TMEM38A: variants seen among roughly 807,000 people sequenced by gnomAD.
TMEM38A encodes trimeric intracellular cation channel type A.
A neutral mutation model predicts 28.6 loss-of-function variants in TMEM38A; 17 were observed. The ratio of observed to expected loss-of-function variants is 0.60; its 90% confidence interval spans 0.41 to 0.89. The LOEUF (loss-of-function observed/expected upper bound fraction) is 0.89, where lower values mean the gene tolerates loss of function less well. TMEM38A is among the 40% of genes least tolerant of loss of function. TMEM38A has a pLI of 0.00. For missense variants in TMEM38A, 328 were observed against 393.1 expected (o/e 0.83, Z 1.40); for synonymous variants, 169 against 166.1 (o/e 1.02, Z -0.14).
chr19:16,671,310 A>G lies in TMEM38A; in HGVS notation c.125-8674A>G, dbSNP rs1362481390. Among the ~76,000 whole-genome samples, 5 of 148,988 alleles carry G rather than the reference A, an allele frequency of 3.4e-5. No individual in the cohort carries two copies. In the East Asian group the frequency reaches 1.0e-3, roughly 30 times the overall value. On this transcript the variant is annotated intron_variant, in intron 1 of 5. Coordinates refer to ENST00000187762, the MANE Select transcript of TMEM38A (RefSeq NM_024074.4). ...AATTTCCGCCTCCTGGGTTCAAGCA[A>G]TTCTGCCTCAGCCTCCTGAGTAGCT... is the stretch of plus-strand genomic sequence containing the variant.
At chr19:16,662,360 A>G (rs578042350) in intron 1 of TMEM38A, among the ~76,000 whole-genome samples, 1 of 150,914 alleles carries the variant, frequency 6.6e-6, no homozygotes, top group South Asian at 2.1e-4. Flanking sequence ...TACTGTCAAC[A>G]TACTGGTGGC....
chr19:16,664,209 A>G (rs1050382769), intron 1 of TMEM38A, among the ~76,000 whole-genome samples: 4 of 152,070 alleles, frequency 2.6e-5, no homozygotes, highest in African/African-American at 4.8e-5. Context: ...TGAGCCCAGG[A>G]CTTTGAAACC....
At chr19:16,671,674 C>T (rs184315168) in intron 1 of TMEM38A, among the ~76,000 whole-genome samples, 1 of 152,278 alleles carries the variant, frequency 6.6e-6, no homozygotes, top group Admixed American at 6.5e-5. Context: ...AAGTGATCTG[C>T]CTGCCTTGGC....
intron 4 of TMEM38A, among the ~76,000 whole-genome samples, chr19:16,683,676 A>T (rs1164218346): frequency 1.3e-5 from 2 of 151,670 alleles, no homozygotes; most frequent in African/African-American, 4.8e-5. Context: ...ATTAGAGAGA[A>T]TTATCATCAT....
chr19:16,672,417 A>G (rs996725948), intron 1 of TMEM38A, among the ~76,000 whole-genome samples: 1 of 150,388 alleles, frequency 6.6e-6, no homozygotes, highest in African/African-American at 2.5e-5. Context: ...ATAGCTGATG[A>G]GCTTAAAAAA....
Position 16,661,295 on chromosome 19 carries a change from C to T in TMEM38A, c.78C>T (p.Asp26=), listed in dbSNP as rs1599382761. 1 of 1,599,752 alleles carries T rather than the reference C, an allele frequency of 6.3e-7. No individual in the cohort carries two copies. The highest frequency in any genetic ancestry group is 8.5e-7 in the Non-Finnish European group (1 of 1,173,748). The change falls in exon 1 of 6, where the codon GAC becomes GAT. Residue 26 remains aspartate (D), a synonymous_variant. Coordinates refer to ENST00000187762, the MANE Select transcript of TMEM38A (RefSeq NM_024074.4). The surrounding 1 kb of genome is among the most constrained non-coding windows in gnomAD (Gnocchi z 6.5). ...GGGTGCCGCTCTTCCCCGTCTTCGACCTCAGTTACTTCATCGTCTCCATCC... is the reference window on the plus strand; with the variant it reads ...GGGTGCCGCTCTTCCCCGTCTTCGATCTCAGTTACTTCATCGTCTCCATCC... ...FSRVPLFPVF[D]LSYFIVSILY... is the part of the protein sequence containing the mutation.
At chr19:16,682,973 T>C (rs1019805944) in intron 4 of TMEM38A, among the ~76,000 whole-genome samples, 4 of 152,032 alleles carry the variant, frequency 2.6e-5, no homozygotes, top group African/African-American at 9.7e-5. Flanking sequence ...GCTTAATGTT[T>C]TTTATTTTTT....
Position 16,686,416 on chromosome 19 carries a change from C to T in TMEM38A, c.672+11C>T, listed in dbSNP as rs1455520383. The T allele has an allele frequency of 6.2e-7, 1 of 1,608,694 alleles. No homozygotes were observed. Among genetic ancestry groups the T allele is most frequent in the African/African-American group, 1.3e-5 (1 of 74,812 alleles). The stretch of plus-strand genomic sequence containing the variant: ...ATGGTGTCCTGTAAGGTAAGCCTTT[C>T]TCTTCTTGCAGCATTCTTGCCTTGA... On this transcript the variant is annotated intron_variant, in intron 5 of 5. Coordinates refer to ENST00000187762, the MANE Select transcript of TMEM38A (RefSeq NM_024074.4).
chr19:16,669,467 A>T (rs1683775763), intron 1 of TMEM38A, among the ~76,000 whole-genome samples: 1 of 152,128 alleles, frequency 6.6e-6, no homozygotes, highest in African/African-American at 2.4e-5. Context: ...TCAGCCTCCC[A>T]AAGTGCTGGG....
At chr19:16,671,770 C>T (rs1286164659) in intron 1 of TMEM38A, among the ~76,000 whole-genome samples, 4 of 152,250 alleles carry the variant, frequency 2.6e-5, no homozygotes, top group Non-Finnish European at 5.9e-5. Context: ...ATACTGCAAA[C>T]ATGGGCATCT....
intron 1 of TMEM38A, among the ~76,000 whole-genome samples, chr19:16,678,706 A>C (rs1463073112): frequency 7.0e-6 from 1 of 142,256 alleles, no homozygotes; most frequent in Non-Finnish European, 1.5e-5. Context: ...TCAAGGCTGC[A>C]GTGAGTCGTG....
At chr19:16,680,698 C>A (rs2086778486) in intron 3 of TMEM38A, 117 bp downstream of exon 3, 1 of 1,011,384 alleles carries the variant, frequency 9.9e-7, no homozygotes, top group Non-Finnish European at 1.5e-6. Context: ...ATAAAGACTG[C>A]AGTAGGTGTT....
chr19:16,680,525 C>G lies in TMEM38A; in HGVS notation c.410C>G (p.Ala137Gly). The change falls in exon 3 of 6, where the codon GCC becomes GGC. Residue 137 changes from alanine (A) to glycine (G), a missense_variant. Transcript: ENST00000187762. The part of the protein sequence containing the change: ...VRKIAVGIHH[A>G]HHHYHHGWFV... ...AAGATCGCGGTGGGCATCCATCACG[C>G]CCATCACCACTACCACCACGGGTGG... 9 of 1,614,174 alleles carry G rather than the reference C, an allele frequency of 5.6e-6. No homozygotes were observed. Among genetic ancestry groups the G allele is most frequent in the South Asian group, 1.1e-5 (1 of 91,086 alleles).
Position 16,680,535 on chromosome 19 carries a change from C to T in TMEM38A, c.420C>T (p.His140=), listed in dbSNP as rs748639074. 1.4e-5 allele frequency: 22 copies of T among 1,614,216 alleles called. No homozygotes were observed. Among genetic ancestry groups the T allele is most frequent in the Non-Finnish European group, 1.8e-5 (21 of 1,180,038 alleles). ...IAVGIHHAHH[H]YHHGWFVMIA... ...TGGGCATCCATCACGCCCATCACCA[C>T]TACCACCACGGGTGGTTCGTCATGA... Residue 140 remains histidine, a synonymous_variant, in exon 3 of 6, where the codon CAC becomes CAT. Coordinates refer to ENST00000187762, the MANE Select transcript of TMEM38A (RefSeq NM_024074.4).
rs2086816454 is a variant in TMEM38A at position 16,689,447 on chromosome 19, G to A, written c.*1076G>A. 6.6e-6 allele frequency: 1 copy of A among 152,224 alleles called. No individual in the cohort carries two copies. The highest frequency in any genetic ancestry group is 2.4e-5 in the African/African-American group (1 of 41,454). 9.4% of individuals were successfully genotyped at this position (152,224 alleles called of 1,614,324 possible). On this transcript the variant is annotated 3_prime_UTR_variant, in exon 6 of 6. Transcript: ENST00000187762. ...TTCCCTGGCACAAAGGAAGCCCTCA[G>A]TAGACACGTCTAGGGCAGGCTTGAG...
chr19:16,664,549 T>C (rs910867152), intron 1 of TMEM38A, among the ~76,000 whole-genome samples: 1 of 152,162 alleles, frequency 6.6e-6, no homozygotes, highest in Non-Finnish European at 1.5e-5. Flanking sequence ...CTACAGAATT[T>C]GCCAGGCCGA....
rs999888890 is a variant in TMEM38A at position 16,667,653 on chromosome 19, G to A, written c.124+6312G>A. ...GGGTGGATCACTTGAGGTCAGGATCGAGACCAGCCCGGCCAACATGGTGAA... is the reference window on the plus strand; with the variant it reads ...GGGTGGATCACTTGAGGTCAGGATCAAGACCAGCCCGGCCAACATGGTGAA... On this transcript the variant is annotated intron_variant, in intron 1 of 5. Coordinates refer to ENST00000187762, the MANE Select transcript of TMEM38A (RefSeq NM_024074.4). 2.7e-5 allele frequency among the ~76,000 whole-genome samples: 4 copies of A among 150,358 alleles called. 1 individual carries two copies. The South Asian group carries it at 6.3e-4, about 24-fold the overall frequency.
chr19:16,663,937 A>C (rs1430911927), intron 1 of TMEM38A, among the ~76,000 whole-genome samples: 2 of 151,942 alleles, frequency 1.3e-5, no homozygotes, highest in Non-Finnish European at 2.9e-5. Flanking sequence ...AGGGCTGAGG[A>C]TACTCCACCC....
At chr19:16,671,833 A>G (rs2086729025) in intron 1 of TMEM38A, among the ~76,000 whole-genome samples, 1 of 152,098 alleles carries the variant, frequency 6.6e-6, no homozygotes, top group Non-Finnish European at 1.5e-5. Context: ...CCACTCCCCA[A>G]CCTCGGTCCC....
Sources: gnomAD v4.1 joint callset for allele counts (sites outside exome capture counted in the v4.1 genomes callset) on GRCh38, gnomAD v4.1.1 for gene constraint, Gnocchi (gnomAD v3.1) non-coding constraint, MANE v1.5 for transcripts, NCBI Gene and HGNC (gene_info 2026-07-23, HGNC 2026-07-21) for gene names.